FAM3C: variants seen among roughly 807,000 people sequenced by gnomAD.
The protein encoded by FAM3C is FAM3 metabolism regulating signaling molecule C.
Under a neutral mutation model 32.5 loss-of-function variants are expected in FAM3C, and 15 were observed. The ratio of observed to expected loss-of-function variants is 0.46; its 90% CI spans 0.31 to 0.71. FAM3C has a LOEUF of 0.71. Ranked by LOEUF, FAM3C falls within the 30% of genes least tolerant of loss-of-function variation. The probability of loss-of-function intolerance (pLI) is 0.05; values close to 1 mark genes in which losing one functional copy is unlikely to be tolerated. For missense variants in FAM3C, 175 were observed against 274.4 expected (o/e 0.64, Z 2.56); for synonymous variants, 75 against 86.1 (o/e 0.87, Z 0.72).
chr7:121,369,776 G>A (rs1279918201), intron 5 of FAM3C, among the ~76,000 whole-genome samples: 1 of 152,216 alleles, frequency 6.6e-6, no homozygotes, highest in East Asian at 1.9e-4. Context: ...AGTGAAGAGT[G>A]AGGAAAGACC....
intron 3 of FAM3C, among the ~76,000 whole-genome samples, chr7:121,377,979 T>C (rs982156633): frequency 1.4e-4 from 21 of 152,232 alleles, no homozygotes; most frequent in African/African-American, 4.8e-4. Flanking sequence ...ACTGTGATCT[T>C]ATATAGCGCC....
intron 1 of FAM3C, among the ~76,000 whole-genome samples, chr7:121,392,513 G>T (rs1312952407): frequency 6.6e-6 from 1 of 152,156 alleles, no homozygotes; most frequent in African/African-American, 2.4e-5. Flanking sequence ...GACACACAGG[G>T]ATTACAATTT....
At chr7:121,387,177 ATGTGTCACAAAATTATTCT>A (rs1794482514) in intron 1 of FAM3C, among the ~76,000 whole-genome samples, 1 of 152,140 alleles carries the variant, frequency 6.6e-6, no homozygotes, top group Admixed American at 6.5e-5. Flanking sequence ...TAAAATGTTC[ATGTGTCACAAAATTATTCT>A]TTTGATTTTT....
intron 1 of FAM3C, among the ~76,000 whole-genome samples, chr7:121,388,255 C>T (rs1794504001): frequency 6.6e-6 from 1 of 151,546 alleles, no homozygotes; most frequent in Non-Finnish European, 1.5e-5. Flanking sequence ...CACACACACA[C>T]ACACACTCAC....
rs188714751 is a variant in FAM3C, at chr7:121,385,032, C to T, written c.-41-2022G>A. Among the ~76,000 whole-genome samples, 941 of 152,146 alleles carry T rather than the reference C, an allele frequency of 6.2e-3. 3 individuals are homozygous for T. The highest frequency in any genetic ancestry group is 8.9e-3 in the Non-Finnish European group (607 of 67,990). ...GGAAGCAAAAACTTAATGGAAACTT[C>T]AGGCTGAAAACCATCAATAATTAAA... is the stretch of plus-strand genomic sequence containing the variant. On this transcript the variant is annotated intron_variant, in intron 1 of 9. Transcript: ENST00000359943.
intron 7 of FAM3C, among the ~76,000 whole-genome samples, chr7:121,361,936 C>T (rs1034287812): frequency 1.3e-5 from 2 of 152,286 alleles, no homozygotes; most frequent in African/African-American, 2.4e-5. Context: ...CTCGGCCTCC[C>T]GAAGTGCTGG....
At chr7:121,381,014 G>C (rs1038154680) in intron 2 of FAM3C, among the ~76,000 whole-genome samples, 19 of 152,156 alleles carry the variant, frequency 1.2e-4, no homozygotes, top group Non-Finnish European at 2.6e-4. Flanking sequence ...ACAAAAGTTA[G>C]AGGTGGAGAA....
intron 8 of FAM3C, among the ~76,000 whole-genome samples, chr7:121,353,436 T>C (rs560725949): frequency 6.6e-6 from 1 of 152,322 alleles, no homozygotes; most frequent in East Asian, 1.9e-4. Context: ...TAGAAGATAC[T>C]GAGATCCTGT....
At chr7:121,355,771 C>A (rs1255209393) in intron 8 of FAM3C, among the ~76,000 whole-genome samples, 1 of 152,132 alleles carries the variant, frequency 6.6e-6, no homozygotes, top group Non-Finnish European at 1.5e-5. Context: ...ACAGATGCAT[C>A]CCTTGGAGGA....
intron 8 of FAM3C, among the ~76,000 whole-genome samples, chr7:121,357,853 A>C (rs1399599868): frequency 6.6e-6 from 1 of 152,180 alleles, no homozygotes. Flanking sequence ...GCTATAATTT[A>C]TTATTAGCAT....
chr7:121,377,956 T>C (rs1235391422), intron 3 of FAM3C, among the ~76,000 whole-genome samples: 1 of 152,194 alleles, frequency 6.6e-6, no homozygotes, highest in Non-Finnish European at 1.5e-5. Flanking sequence ...TCCCCATCAT[T>C]AGGTGACACA....
chr7:121,372,141 T>A lies in FAM3C; in HGVS notation c.119-2A>T. 1 of 1,599,126 alleles carries A rather than the reference T, an allele frequency of 6.3e-7. No individual in the cohort carries two copies. The highest frequency in any genetic ancestry group is 8.5e-7 in the Non-Finnish European group (1 of 1,171,436). On this transcript the variant is annotated splice_acceptor_variant, in intron 3 of 9. Transcript: ENST00000359943. LOFTEE classifies it high-confidence loss of function. ...CAGCTGTGTCCAATGCTGATCTTGC[T>A]GAAAAAAAAAAATTACTTTTGTTAG... is the stretch of plus-strand genomic sequence containing the variant.
At chr7:121,382,567 T>C (rs1404247993) in intron 2 of FAM3C, among the ~76,000 whole-genome samples, 1 of 121,166 alleles carries the variant, frequency 8.3e-6, no homozygotes, top group East Asian at 2.1e-4. Context: ...TTTTTTTTTT[T>C]CAGATTTTAG....
At chr7:121,364,063 T>A in intron 6 of FAM3C, 67 bp downstream of exon 6, 2 of 1,011,624 alleles carry the variant, frequency 2.0e-6, no homozygotes, top group South Asian at 2.6e-5. Context: ...CCTCTGATAG[T>A]GCATTTTACT....
chr7:121,382,889 T>C (rs62476350), intron 2 of FAM3C, 68 bp downstream of exon 2: 44,118 of 1,153,814 alleles, frequency 0.038, 1,009 homozygotes, highest in Non-Finnish European at 0.047. Context: ...TAACCTCTCC[T>C]TTAGTTATTC....
At chr7:121,360,017 C>T (rs1367574658) in intron 8 of FAM3C, 26 bp downstream of exon 8, 4 of 1,192,852 alleles carry the variant, frequency 3.4e-6, no homozygotes, top group South Asian at 1.3e-5. Context: ...ATTATAGTTC[C>T]AAAAAGTTCT....
intron 8 of FAM3C, among the ~76,000 whole-genome samples, chr7:121,355,488 A>G (rs571252094): frequency 6.6e-5 from 10 of 152,320 alleles, no homozygotes; most frequent in African/African-American, 9.6e-5. Flanking sequence ...TTAAAAAGCA[A>G]TAAGGAAAGA....
intron 8 of FAM3C, among the ~76,000 whole-genome samples, chr7:121,353,681 C>A (rs80003871): frequency 0.023 from 3,500 of 152,270 alleles, 129 homozygotes; most frequent in African/African-American, 0.079. Flanking sequence ...CCTACATGAC[C>A]AGCCCCTAAT....
intron 1 of FAM3C, among the ~76,000 whole-genome samples, chr7:121,392,867 C>A (rs900276110): frequency 6.6e-6 from 1 of 152,076 alleles, no homozygotes; most frequent in South Asian, 2.1e-4. Flanking sequence ...ATATTACTCA[C>A]CCTTAAAAAG....
Sources: allele counts gnomAD v4.1 joint callset (sites outside exome capture counted in the v4.1 genomes callset), GRCh38; gene constraint gnomAD v4.1.1; transcripts MANE v1.5; gene names NCBI Gene and HGNC (gene_info 2026-07-23, HGNC 2026-07-21).